CMIP: variants seen among roughly 807,000 people sequenced by gnomAD.
The protein encoded by CMIP is C-Maf-inducing protein.
CMIP carries 13 observed loss-of-function variants against 97.3 expected under a neutral mutation model. That is an observed-to-expected ratio of 0.13 (90% CI 0.09 to 0.21). CMIP has a LOEUF of 0.21. Ranked by LOEUF, CMIP falls within the 10% of genes least tolerant of loss-of-function variation. The pLI is 1.00. For synonymous variants in CMIP, 538 were observed against 436.3 expected (o/e 1.23, Z -2.91); for missense variants, 847 against 1,024.9 (o/e 0.83, Z 2.37).
At chr16:81,603,031 C>G (rs4889352) in intron 1 of CMIP, among the ~76,000 whole-genome samples, 1 of 152,150 alleles carries the variant, frequency 6.6e-6, no homozygotes, top group Non-Finnish European at 1.5e-5. Flanking sequence ...GCAAGCCTCC[C>G]GTGTTCCTGC....
intron 7 of CMIP, chr16:81,666,705 C>T (rs995973831): frequency 6.6e-6 from 1 of 152,146 alleles, no homozygotes; most frequent in Non-Finnish European, 1.5e-5. Context: ...CTTGGCGCCT[C>T]CTAATTACAC....
intron 1 of CMIP, among the ~76,000 whole-genome samples, chr16:81,512,808 C>T (rs922657587): frequency 1.1e-4 from 16 of 152,118 alleles, no homozygotes; most frequent in African/African-American, 3.9e-4. Flanking sequence ...ATGATCTCAG[C>T]TCACTGCAAC....
intron 9 of CMIP, among the ~76,000 whole-genome samples, chr16:81,674,590 G>C (rs1483173883): frequency 2.0e-5 from 3 of 152,174 alleles, no homozygotes; most frequent in Non-Finnish European, 4.4e-5. Flanking sequence ...GCAGATCAGG[G>C]CTTCTTTTTT....
intron 17 of CMIP, 150 bp downstream of exon 17, chr16:81,702,819 C>T (rs959658723): frequency 2.9e-6 from 2 of 685,554 alleles, no homozygotes; most frequent in African/African-American, 1.8e-5. Context: ...CCAGCTCTTC[C>T]AGGAGGTAGC....
At chr16:81,703,582 C>G (rs894802399) in intron 17 of CMIP, among the ~76,000 whole-genome samples, 2 of 150,360 alleles carry the variant, frequency 1.3e-5, no homozygotes, top group African/African-American at 4.9e-5. Flanking sequence ...CAGACACACA[C>G]AGATATACAC....
At chr16:81,632,356 CAGAA>C (rs936896478) in intron 3 of CMIP, among the ~76,000 whole-genome samples, 43 of 152,362 alleles carry the variant, frequency 2.8e-4, no homozygotes, top group African/African-American at 1.0e-3. Context: ...CGGGGCTTCT[CAGAA>C]AGTGCTTATG....
intron 16 of CMIP, among the ~76,000 whole-genome samples, chr16:81,702,099 CA>C (rs1907483269): frequency 6.6e-6 from 1 of 152,194 alleles, no homozygotes; most frequent in Non-Finnish European, 1.5e-5. Context: ...CAAATGCCAG[CA>C]CCCACACCTC....
chr16:81,645,595 C>T (rs900079753), intron 3 of CMIP: 6 of 1,535,816 alleles, frequency 3.9e-6, no homozygotes, highest in Non-Finnish European at 5.2e-6. Context: ...CAAGTGTTGC[C>T]CAGGTAACGT....
chr16:81,639,648 C>G (rs1406665376), intron 3 of CMIP, among the ~76,000 whole-genome samples: 1 of 152,190 alleles, frequency 6.6e-6, no homozygotes, highest in African/African-American at 2.4e-5. Flanking sequence ...TCTCTTTATC[C>G]ATTGGTGGAC....
chr16:81,511,905 A>C (rs2089818524), intron 1 of CMIP, among the ~76,000 whole-genome samples: 1 of 152,220 alleles, frequency 6.6e-6, no homozygotes, highest in Non-Finnish European at 1.5e-5. Context: ...CACGGCCACC[A>C]GCCACACATG....
At chr16:81,707,767 G>T (rs534672862) in intron 20 of CMIP, among the ~76,000 whole-genome samples, 2 of 152,238 alleles carry the variant, frequency 1.3e-5, no homozygotes, top group African/African-American at 4.8e-5. Context: ...CTGTCACCCC[G>T]TCCTCCTGGG....
intron 3 of CMIP, among the ~76,000 whole-genome samples, chr16:81,648,497 G>T (rs2092390819): frequency 6.6e-6 from 1 of 152,118 alleles, no homozygotes; most frequent in Non-Finnish European, 1.5e-5. Context: ...AAGCCCTGAA[G>T]AGTTGGCCAG....
chr16:81,562,555 A>G (rs956233766), intron 1 of CMIP, among the ~76,000 whole-genome samples: 3 of 152,228 alleles, frequency 2.0e-5, no homozygotes, highest in Non-Finnish European at 4.4e-5. Flanking sequence ...AGAGTAGGAC[A>G]TGTGGCAAAG....
At chr16:81,558,763 T>G (rs2090818537) in intron 1 of CMIP, among the ~76,000 whole-genome samples, 1 of 152,146 alleles carries the variant, frequency 6.6e-6, no homozygotes, top group South Asian at 2.1e-4. Context: ...TTTTCTTGGA[T>G]TGTCTCATTT....
chr16:81,444,954 C>T lies in CMIP; in HGVS notation c.-288C>T, dbSNP rs1375504307. Among the ~76,000 whole-genome samples, 2 of 142,466 alleles carry T rather than the reference C, an allele frequency of 1.4e-5. No individual in the cohort carries two copies. Among genetic ancestry groups the T allele is most frequent in the East Asian group, 2.1e-4 (1 of 4,822 alleles). The allele number at this position is 142,466 out of a possible 152,430, so 93.5% of individuals were successfully genotyped here. On this transcript the variant is annotated 5_prime_UTR_variant, in exon 1 of 21. Transcript: ENST00000537098. ...GGCCCCGGCCCGCCCTCGGCCTCCC[C>T]CGCCCCTCCCCGTCGCCCGCCGAGC...
At chr16:81,494,083 C>T (rs985466491) in intron 1 of CMIP, among the ~76,000 whole-genome samples, 1 of 152,218 alleles carries the variant, frequency 6.6e-6, no homozygotes, top group African/African-American at 2.4e-5. Flanking sequence ...TCAAAGGTAA[C>T]ACCCCTGTCC....
chr16:81,534,749 C>T (rs981385306), intron 1 of CMIP, among the ~76,000 whole-genome samples: 1 of 152,108 alleles, frequency 6.6e-6, no homozygotes, highest in Non-Finnish European at 1.5e-5. Flanking sequence ...TAATGCTATT[C>T]CTTCCCTCCA....
intron 1 of CMIP, among the ~76,000 whole-genome samples, chr16:81,490,861 T>G (rs1427364575): frequency 2.0e-5 from 3 of 152,076 alleles, no homozygotes; most frequent in Non-Finnish European, 2.9e-5. Flanking sequence ...AGGGAGCACT[T>G]GAGATGGGGC....
At chr16:81,454,753 A>G (rs11642383) in intron 1 of CMIP, among the ~76,000 whole-genome samples, 30,181 of 152,218 alleles carry the variant, frequency 0.2, 3,574 homozygotes, top group Admixed American at 0.31. Context: ...AACAAAGCAC[A>G]TTGCTTAGAG....
Sources: gnomAD v4.1 joint callset for allele counts (sites outside exome capture counted in the v4.1 genomes callset) on GRCh38, gnomAD v4.1.1 for gene constraint, MANE v1.5 for transcripts, NCBI Gene and HGNC (gene_info 2026-07-23, HGNC 2026-07-21) for gene names.